The following UBE4A variants were observed in gnomAD, a reference collection of about 807,000 sequenced individuals.
The protein encoded by UBE4A is ubiquitin conjugation factor E4 A.
A neutral mutation model predicts 117.9 loss-of-function variants in UBE4A; 48 were observed. The observed-to-expected ratio is 0.41, with a 90% CI of 0.32 to 0.52. UBE4A has a LOEUF of 0.52. Ranked by LOEUF, UBE4A falls within the 20% of genes least tolerant of loss-of-function variation. UBE4A has a pLI of 0.33. For synonymous variants in UBE4A, 407 were observed against 450.0 expected, an observed-to-expected ratio of 0.90 and a Z score of 1.21; for missense variants, 1,067 against 1,296.3, an observed-to-expected ratio of 0.82 and a Z score of 2.72.
intron 10 of UBE4A, among the ~76,000 whole-genome samples, chr11:118,377,607 T>C (rs1316445763): frequency 6.6e-6 from 1 of 152,160 alleles, no homozygotes; most frequent in Non-Finnish European, 1.5e-5. Context: ...TATTGCACTT[T>C]CTGCTCTTAA....
intron 1 of UBE4A, among the ~76,000 whole-genome samples, chr11:118,362,672 G>A (rs537238019): frequency 6.6e-6 from 1 of 152,274 alleles, no homozygotes; most frequent in South Asian, 2.1e-4. Flanking sequence ...CTTGGTTTTA[G>A]GCTAGGCCTT....
chr11:118,392,851 C>T lies in UBE4A; in HGVS notation c.3030C>T (p.Ser1010=), dbSNP rs1948832209. The change falls in exon 19 of 20, where the codon TCC becomes TCT. Residue 1010 remains serine (S), a synonymous_variant. Coordinates refer to ENST00000252108, the MANE Select transcript of UBE4A (RefSeq NM_001204077.2). ...LMCDPVVLPS[S]RVTVDRSTIA... ...GTGACCCTGTGGTGCTGCCATCTTC[C>T]AGAGTCACTGTGGATAGATCCACCA... 6.2e-7 allele frequency: 1 copy of T among 1,614,108 alleles called. No individual in the cohort carries two copies. The highest frequency in any genetic ancestry group is 2.2e-5 in the East Asian group (1 of 44,876).
intron 16 of UBE4A, among the ~76,000 whole-genome samples, chr11:118,388,013 A>G (rs139725949): frequency 1.2e-3 from 184 of 152,326 alleles, no homozygotes; most frequent in African/African-American, 2.8e-3. Flanking sequence ...TTAAATTCCA[A>G]TGGAGAGTTT....
chr11:118,393,309 C>G (rs1232906302), intron 19 of UBE4A, among the ~76,000 whole-genome samples: 1 of 152,070 alleles, frequency 6.6e-6, no homozygotes, highest in Non-Finnish European at 1.5e-5. Context: ...CTGAGCTACT[C>G]AGGAGGCTGA....
chr11:118,360,553 T>A (rs538585228), intron 1 of UBE4A, among the ~76,000 whole-genome samples: 1 of 152,374 alleles, frequency 6.6e-6, no homozygotes, highest in Non-Finnish European at 1.5e-5. Context: ...TATTGATATA[T>A]GTATTATTTG....
chr11:118,377,542 A>C (rs1173275315), intron 10 of UBE4A, among the ~76,000 whole-genome samples: 1 of 152,138 alleles, frequency 6.6e-6, no homozygotes, highest in Non-Finnish European at 1.5e-5. Context: ...AACTTTAAAA[A>C]TTAAATCACT....
intron 1 of UBE4A, among the ~76,000 whole-genome samples, chr11:118,360,869 A>G (rs4938507): frequency 0.12 from 18,153 of 152,200 alleles, 1,514 homozygotes; most frequent in Admixed American, 0.21. Context: ...ATCAAATCCA[A>G]AAGCTTCTAA....
At chr11:118,377,509 G>C (rs1948663439) in intron 10 of UBE4A, among the ~76,000 whole-genome samples, 1 of 151,964 alleles carries the variant, frequency 6.6e-6, no homozygotes, top group Admixed American at 6.6e-5. Flanking sequence ...TGCCTGGCCT[G>C]TTTTTTAACT....
intron 19 of UBE4A, among the ~76,000 whole-genome samples, chr11:118,395,259 G>A (rs1948859373): frequency 6.6e-6 from 1 of 151,480 alleles, no homozygotes; most frequent in African/African-American, 2.4e-5. Context: ...ATCCTGGGAG[G>A]CAAAGGTTGC....
In UBE4A at chr11:118,372,533, A is replaced by G; in HGVS notation, c.588A>G (p.Leu196=). The change falls in exon 6 of 20, where the codon CTA becomes CTG. Residue 196 remains leucine, a synonymous_variant. Coordinates refer to ENST00000252108, the MANE Select transcript of UBE4A (RefSeq NM_001204077.2). The stretch of plus-strand genomic sequence containing the variant: ...TTACCAAAGTTCCAGAGAACCTGCT[A>G]CCCTTTGCAGTGCAGTGCAGAAACC... ...EEITKVPENL[L]PFAVQCRNLT... is the part of the protein sequence containing the mutation. 1.2e-6 allele frequency: 2 copies of G among 1,611,176 alleles called. No homozygotes were observed. The highest frequency in any genetic ancestry group is 1.7e-6 in the Non-Finnish European group (2 of 1,179,326).
intron 5 of UBE4A, 128 bp downstream of exon 5, chr11:118,371,794 G>A: frequency 1.0e-6 from 1 of 972,970 alleles, no homozygotes; most frequent in Non-Finnish European, 1.4e-6. Flanking sequence ...TGAATATCAG[G>A]GACACTAAAG....
At chr11:118,386,638 C>T (rs1948761502) in intron 16 of UBE4A, 26 bp downstream of exon 16, 6 of 1,496,314 alleles carry the variant, frequency 4.0e-6, no homozygotes, top group Admixed American at 2.5e-5. Flanking sequence ...ACTGCTTCCC[C>T]CCAAAAAAGT....
rs782261535 is a variant in UBE4A at position 118,382,662 on chromosome 11, C to T, written c.2083C>T (p.Pro695Ser). ...EAVMPHLDQT[P>S]NPLVSSVFHR... ...AGTGATGCCCCACCTGGATCAGACC[C>T]CAAATCCCTTGGTATCCAGTGTGTT... is the stretch of plus-strand genomic sequence containing the variant. The change falls in exon 13 of 20, where the codon CCA (proline) becomes TCA (serine). Residue 695 changes from proline (P) to serine (S), a missense_variant. This residue lies in a region of UBE4A where 1,001 missense variants were observed against 1,184.0 expected (regional missense o/e 0.85). Coordinates refer to ENST00000252108, the MANE Select transcript of UBE4A (RefSeq NM_001204077.2). 2 of 1,605,876 alleles carry T rather than the reference C, an allele frequency of 1.2e-6. No individual in the cohort carries two copies. The highest frequency in any genetic ancestry group is 2.7e-5 in the African/African-American group (2 of 74,804).
At chr11:118,385,067 C>A in intron 15 of UBE4A, 122 bp downstream of exon 15, 2 of 844,056 alleles carry the variant, frequency 2.4e-6, no homozygotes, top group Non-Finnish European at 3.6e-6. Context: ...CAGACTTGAA[C>A]ACCAAAAATT....
chr11:118,371,539 A>G lies in UBE4A; in HGVS notation c.434A>G (p.Gln145Arg). 6.2e-7 allele frequency: 1 copy of G among 1,613,322 alleles called. No homozygotes were observed. Among genetic ancestry groups the G allele is most frequent in the Non-Finnish European group, 8.5e-7 (1 of 1,179,600 alleles). ...GCCCTCTTCGCTCGCTTATTACTTC[A>G]AGATCCAGGCAACCACTTAATTAAC... ...EQALFARLLL[Q>R]DPGNHLINMT... Residue 145 changes from glutamine (Q) to arginine (R), a missense_variant, in exon 5 of 20, where the codon CAA (glutamine) becomes CGA (arginine). Transcript: ENST00000252108.
In UBE4A at chr11:118,381,281, T is replaced by TTAGGGTTTTTTTTAACCTTCATTAAG. The variant is rs1322308004; in HGVS notation, c.1877-103_1877-78dup. ...ACCATCTCTAGTACCAACAAAACATTTAGGGTTTTTTTTAACCTTCATTAA... is the reference window on the plus strand; with the variant it reads ...ACCATCTCTAGTACCAACAAAACATTTAGGGTTTTTTTTAACCTTCATTAAGTAGGGTTTTTTTTAACCTTCATTAA... On this transcript the variant is annotated intron_variant, in intron 11 of 19. Coordinates refer to ENST00000252108, the MANE Select transcript of UBE4A (RefSeq NM_001204077.2). 3.7e-6 allele frequency: 5 copies of TTAGGGTTTTTTTTAACCTTCATTAAG among 1,361,154 alleles called. No homozygotes were observed. The African/African-American group carries it at 7.3e-5, about 20-fold the overall frequency. 84.3% of individuals were successfully genotyped at this position (1,361,154 alleles called of 1,614,324 possible).
At position 118,372,618 on chromosome 11, in the gene UBE4A, A is replaced by G. The variant is rs1156353047; in HGVS notation, c.673A>G (p.Ile225Val). The change falls in exon 6 of 20, where the codon ATC becomes GTC. Residue 225 changes from isoleucine to valine, a missense_variant. Physicochemically the swap from Ile to Val is conservative, Grantham distance 29. Coordinates refer to ENST00000252108, the MANE Select transcript of UBE4A (RefSeq NM_001204077.2). ...LTPEIYVDQN[I>V]HEQLVDLMLE... ...CCCAGAGATCTATGTTGACCAAAAC[A>G]TCCATGAGCAACTGGTAGATTTGAT... is the stretch of plus-strand genomic sequence containing the variant. 1.3e-5 allele frequency: 21 copies of G among 1,614,092 alleles called. No homozygotes were observed. The highest frequency in any genetic ancestry group is 1.8e-5 in the Non-Finnish European group (21 of 1,180,034).
intron 2 of UBE4A, among the ~76,000 whole-genome samples, chr11:118,366,525 AC>A (rs1312083789): frequency 2.0e-5 from 3 of 152,128 alleles, no homozygotes; most frequent in African/African-American, 7.2e-5. Context: ...CTATTTTGGC[AC>A]CTCATCATCC....
rs746369552 is a variant in UBE4A at position 118,369,486 on chromosome 11, C to T, written c.359C>T (p.Ala120Val). ...CGTTGTGTGTATTTGGAAGAAATGGCAGTAGAGCTAGAAGATCAAGACTGG... is the reference window on the plus strand; with the variant it reads ...CGTTGTGTGTATTTGGAAGAAATGGTAGTAGAGCTAGAAGATCAAGACTGG... ...PSRCVYLEEM[A>V]VELEDQDWLD... Residue 120 changes from alanine to valine, a missense_variant, in exon 4 of 20, where the codon GCA (alanine) becomes GTA (valine). Physicochemically the swap from Ala to Val is moderately conservative, Grantham distance 64. Transcript: ENST00000252108. 5 of 1,614,166 alleles carry T rather than the reference C, an allele frequency of 3.1e-6. No homozygotes were observed. In the East Asian group the frequency reaches 8.9e-5, roughly 29 times the overall value.
Sources: allele counts gnomAD v4.1 joint callset (sites outside exome capture counted in the v4.1 genomes callset), GRCh38; gene constraint gnomAD v4.1.1; regional missense constraint gnomAD v4.1.1; transcripts MANE v1.5; gene names NCBI Gene and HGNC (gene_info 2026-07-23, HGNC 2026-07-21).